Variants in PLEKHO2 observed in about 807,000 individuals in gnomAD.
PLEKHO2 encodes pleckstrin homology domain containing O2, also known as pleckstrin homology domain-containing family O member 2.
A neutral mutation model predicts 32.7 loss-of-function variants in PLEKHO2; 20 were observed. The ratio of observed to expected loss-of-function variants is 0.61; its 90% CI spans 0.43 to 0.89. PLEKHO2 has a LOEUF of 0.89. Among genes scored for constraint, PLEKHO2 ranks in the 40% least tolerant of loss-of-function variants. The pLI is 0.00. For missense variants in PLEKHO2, 568 were observed against 621.2 expected (o/e 0.91, Z 0.91); for synonymous variants, 247 against 246.3 (o/e 1.00, Z -0.03).
chr15:64,841,969 C>G lies in PLEKHO2; in HGVS notation c.-48C>G, dbSNP rs1410845790. ...CGTAGACGCGGTGGCAGAGCCCGCG[C>G]GGCGCTGGAAGCGAGTGGCGGAGCG... is the stretch of plus-strand genomic sequence containing the variant. On this transcript the variant is annotated 5_prime_UTR_variant, in exon 1 of 6. Coordinates refer to ENST00000323544, the MANE Select transcript of PLEKHO2 (RefSeq NM_025201.5). 4 of 1,245,670 alleles carry G rather than the reference C, an allele frequency of 3.2e-6. No individual in the cohort carries two copies. The highest frequency in any genetic ancestry group is 4.0e-6 in the Non-Finnish European group (4 of 995,014). 77.2% of individuals were successfully genotyped at this position (1,245,670 alleles called of 1,614,324 possible).
In PLEKHO2 at chr15:64,861,539, G is replaced by T; in HGVS notation, c.447G>T (p.Gln149His). 1 of 1,608,354 alleles carries T rather than the reference G, an allele frequency of 6.2e-7. No individual in the cohort carries two copies. The highest frequency in any genetic ancestry group is 8.5e-7 in the Non-Finnish European group (1 of 1,178,054). The change falls in exon 5 of 6, where the codon CAG becomes CAT. Residue 149 changes from glutamine (Q) to histidine (H), a missense_variant. Transcript: ENST00000323544. ...CACGGGACCGGGTGCGAGGGGGCCA[G>T]CGACGCCGGCCACCAACGAGAGTCC... ...HVTRDRVRGG[Q>H]RRRPPTRVHL...
chr15:64,846,295 T>C (rs1325356704), intron 1 of PLEKHO2, among the ~76,000 whole-genome samples: 1 of 151,946 alleles, frequency 6.6e-6, no homozygotes, highest in African/African-American at 2.4e-5. Flanking sequence ...TCTACTTCCT[T>C]GTTCCTATAT....
At chr15:64,863,525 G>GTA (rs2084658528) in intron 5 of PLEKHO2, among the ~76,000 whole-genome samples, 2 of 146,226 alleles carry the variant, frequency 1.4e-5, no homozygotes, top group African/African-American at 5.1e-5. Flanking sequence ...GTGTTTGTGT[G>GTA]TGTGTGTGTG....
At chr15:64,854,808 T>A (rs1322724931) in intron 2 of PLEKHO2, 113 bp from the exon 3 acceptor site, 2 of 801,548 alleles carry the variant, frequency 2.5e-6, no homozygotes, top group African/African-American at 3.3e-5. Flanking sequence ...AGGTCCTCCC[T>A]CTAACCAAGT....
chr15:64,856,915 A>G (rs1236754236), intron 3 of PLEKHO2, among the ~76,000 whole-genome samples: 1 of 151,756 alleles, frequency 6.6e-6, no homozygotes, highest in Non-Finnish European at 1.5e-5. Context: ...AGGTCACATG[A>G]CCCTGGCTGT....
chr15:64,846,653 A>T (rs878931343), intron 1 of PLEKHO2, among the ~76,000 whole-genome samples: 6 of 152,084 alleles, frequency 3.9e-5, no homozygotes, highest in Admixed American at 3.9e-4. Context: ...CCACTTCCCC[A>T]TTTCTCTTGC....
intron 5 of PLEKHO2, among the ~76,000 whole-genome samples, chr15:64,862,904 T>C (rs935393536): frequency 2.0e-5 from 3 of 151,744 alleles, no homozygotes; most frequent in Non-Finnish European, 2.9e-5. Context: ...ATTAGTTATA[T>C]CTCCTAATGC....
In PLEKHO2 at chr15:64,867,244, C is replaced by G. The variant is rs374177358; in HGVS notation, c.*1356C>G. The G allele has an allele frequency of 1.3e-5, 2 of 152,870 alleles. No homozygotes were observed. The highest frequency in any genetic ancestry group is 1.9e-4 in the East Asian group (1 of 5,192). 9.5% of individuals were successfully genotyped at this position (152,870 alleles called of 1,614,324 possible). A position where few individuals can be genotyped will look rare whatever the true frequency, so the allele number is the denominator to read the frequency against. The stretch of plus-strand genomic sequence containing the variant: ...GAAAGGGGGGGGTCACAGCAACATG[C>G]CCTGGCCTTTCTGCTCTGTTCCCCA... On this transcript the variant is annotated 3_prime_UTR_variant, in exon 6 of 6. Transcript: ENST00000323544.
chr15:64,849,423 G>A (rs1352229962), intron 2 of PLEKHO2, among the ~76,000 whole-genome samples: 2 of 150,224 alleles, frequency 1.3e-5, no homozygotes, highest in Non-Finnish European at 3.0e-5. Flanking sequence ...TGGGATTATA[G>A]GTGTGAGCCA....
intron 1 of PLEKHO2, among the ~76,000 whole-genome samples, chr15:64,846,869 G>A (rs1337904538): frequency 6.6e-6 from 1 of 152,156 alleles, no homozygotes; most frequent in East Asian, 1.9e-4. Flanking sequence ...AGGGCATCCT[G>A]GGAACTGCTC....
chr15:64,848,568 G>A (rs1189223090), intron 1 of PLEKHO2, 25 bp from the exon 2 acceptor site: 15 of 1,613,754 alleles, frequency 9.3e-6, no homozygotes, highest in South Asian at 8.8e-5. Flanking sequence ...CAACCCTCAT[G>A]GTATGAACTG....
chr15:64,865,053 C>G lies in PLEKHO2; in HGVS notation c.638C>G (p.Pro213Arg). Residue 213 changes from proline (P) to arginine (R), a missense_variant, in exon 6 of 6, where the codon CCT becomes CGT. By Grantham distance (103) the Pro-to-Arg change is moderately radical. Coordinates refer to ENST00000323544, the MANE Select transcript of PLEKHO2 (RefSeq NM_025201.5). ...CCTCCTACCAAGCCTTTCCTAGCAC[C>G]TGAGACCACCAGCCCTGGTGACAGG... ...LMPPTKPFLA[P>R]ETTSPGDRVE... The G allele has an allele frequency of 6.2e-7, 1 of 1,614,126 alleles. No individual in the cohort carries two copies. Among genetic ancestry groups the G allele is most frequent in the Non-Finnish European group, 8.5e-7 (1 of 1,180,000 alleles).
chr15:64,861,371 G>A (rs2084639435), intron 4 of PLEKHO2, 106 bp from the exon 5 acceptor site: 3 of 738,550 alleles, frequency 4.1e-6, no homozygotes, highest in Non-Finnish European at 6.5e-6. Flanking sequence ...TTCCCAGAGA[G>A]GGCAGCGGTG....
chr15:64,857,361 G>C (rs2084612310), intron 3 of PLEKHO2, among the ~76,000 whole-genome samples: 1 of 152,052 alleles, frequency 6.6e-6, no homozygotes, highest in Non-Finnish European at 1.5e-5. Flanking sequence ...TTTGAGACAG[G>C]ATCTCACTCT....
At chr15:64,860,112 C>T in intron 4 of PLEKHO2, 114 bp downstream of exon 4, 1 of 855,370 alleles carries the variant, frequency 1.2e-6, no homozygotes, top group Non-Finnish European at 1.9e-6. Context: ...TATGTCACTG[C>T]TATGGGGCAT....
At chr15:64,864,814 G>A in intron 5 of PLEKHO2, 85 bp from the exon 6 acceptor site, 1 of 1,450,076 alleles carries the variant, frequency 6.9e-7, no homozygotes, top group Non-Finnish European at 9.3e-7. Context: ...CTGGATGGGA[G>A]AGGGTAAGAA....
chr15:64,862,380 T>A (rs2084647403), intron 5 of PLEKHO2, among the ~76,000 whole-genome samples: 1 of 151,876 alleles, frequency 6.6e-6, no homozygotes, highest in Admixed American at 6.6e-5. Context: ...CCACCTGGGC[T>A]TGTGATTGAG....
chr15:64,850,761 C>T (rs140734062), intron 2 of PLEKHO2, among the ~76,000 whole-genome samples: 2 of 152,164 alleles, frequency 1.3e-5, no homozygotes, highest in Admixed American at 1.3e-4. Context: ...GCTAAGCTTG[C>T]GTGTTAACTA....
intron 3 of PLEKHO2, among the ~76,000 whole-genome samples, chr15:64,857,213 G>C (rs1041606330): frequency 3.3e-5 from 5 of 152,216 alleles, no homozygotes; most frequent in African/African-American, 1.2e-4. Context: ...TCTGTGGCCA[G>C]TCCTGTTAGC....
Sources: gnomAD v4.1 joint callset for allele counts (sites outside exome capture counted in the v4.1 genomes callset) on GRCh38, gnomAD v4.1.1 for gene constraint, MANE v1.5 for transcripts, NCBI Gene and HGNC (gene_info 2026-07-23, HGNC 2026-07-21) for gene names.